RBFOX1: variants seen among roughly 807,000 people sequenced by gnomAD.
RBFOX1 encodes RNA binding protein fox-1 homolog 1.
Under a neutral mutation model 57.7 loss-of-function variants are expected in RBFOX1, and 8 were observed. That is an observed-to-expected ratio of 0.14 (90% confidence interval 0.08 to 0.25). The LOEUF (loss-of-function observed/expected upper bound fraction) is 0.25. RBFOX1 is among the 10% of genes least tolerant of loss of function. RBFOX1 has a pLI of 1.00. For synonymous variants in RBFOX1, 326 were observed against 222.4 expected (o/e 1.47, Z -4.15); for missense variants, 611 against 548.5 (o/e 1.11, Z -1.14).
intron 4 of RBFOX1, among the ~76,000 whole-genome samples, chr16:5,868,813 C>T (rs1237404420): frequency 6.6e-6 from 1 of 152,134 alleles, no homozygotes; most frequent in Non-Finnish European, 1.5e-5. Flanking sequence ...ATAGGAATAG[C>T]AATATGCATC....
At chr16:5,567,804 T>G (rs2046127229) in intron 2 of RBFOX1, among the ~76,000 whole-genome samples, 1 of 152,184 alleles carries the variant, frequency 6.6e-6, no homozygotes, top group Non-Finnish European at 1.5e-5. Flanking sequence ...GGGCCAGATA[T>G]CTTGCCAAGC....
chr16:7,039,078 G>C (rs761667669), intron 3 of RBFOX1, among the ~76,000 whole-genome samples: 18 of 152,074 alleles, frequency 1.2e-4, no homozygotes, highest in Non-Finnish European at 2.1e-4. Context: ...GTGTTGTCCT[G>C]CCTGGGAGAT....
At chr16:7,449,308 TG>T (rs2098832981) in intron 4 of RBFOX1, among the ~76,000 whole-genome samples, 1 of 152,122 alleles carries the variant, frequency 6.6e-6, no homozygotes, top group African/African-American at 2.4e-5. Flanking sequence ...AAGTCCTAGG[TG>T]GACATCTTTT....
At chr16:5,248,271 C>A (rs2878018) in intron 1 of RBFOX1, among the ~76,000 whole-genome samples, 3 of 152,252 alleles carry the variant, frequency 2.0e-5, no homozygotes, top group Admixed American at 6.5e-5. Flanking sequence ...TAAGTGTTTG[C>A]CTCAAAAGCT....
intron 3 of RBFOX1, among the ~76,000 whole-genome samples, chr16:5,744,201 ATCTG>A (rs1270481470): frequency 6.6e-6 from 1 of 151,958 alleles, no homozygotes; most frequent in Non-Finnish European, 1.5e-5. Context: ...CACCTCACTC[ATCTG>A]GCATGCTCCT....
intron 2 of RBFOX1, among the ~76,000 whole-genome samples, chr16:6,482,566 C>G (rs1466400890): frequency 6.6e-6 from 1 of 152,210 alleles, no homozygotes; most frequent in Non-Finnish European, 1.5e-5. Flanking sequence ...AAAAGGTGAT[C>G]TCTAAATTTC....
rs2085696053 is a variant in RBFOX1 at position 7,549,610 on chromosome 16, C to G, written c.271-30167C>G. Among the ~76,000 whole-genome samples, 2 of 152,228 alleles carry G rather than the reference C, an allele frequency of 1.3e-5. 1 individual carries two copies. The highest frequency in any genetic ancestry group is 4.2e-4 in the South Asian group (2 of 4,816). ...AACCTTCAGTCTGTGGTTGAAGGTCCAAGAGTCCAAAAGCTGAAGAACCTG... is the reference window on the plus strand; with the variant it reads ...AACCTTCAGTCTGTGGTTGAAGGTCGAAGAGTCCAAAAGCTGAAGAACCTG... On this transcript the variant is annotated intron_variant, in intron 5 of 15. Coordinates refer to ENST00000550418, the MANE Select transcript of RBFOX1 (RefSeq NM_018723.4).
intron 2 of RBFOX1, among the ~76,000 whole-genome samples, chr16:6,511,894 G>C (rs927735970): frequency 2.0e-5 from 3 of 152,100 alleles, no homozygotes; most frequent in East Asian, 1.9e-4. Flanking sequence ...GCAGCTCTTT[G>C]TAGGAGTGTC....
intron 13 of RBFOX1, among the ~76,000 whole-genome samples, chr16:7,667,935 A>G (rs112474347): frequency 6.6e-6 from 1 of 152,072 alleles, no homozygotes; most frequent in Admixed American, 6.5e-5. Context: ...CGGTCTCCCA[A>G]AGTGCTACGA....
chr16:6,580,333 TA>T (rs2097519178), intron 2 of RBFOX1, among the ~76,000 whole-genome samples: 1 of 152,214 alleles, frequency 6.6e-6, no homozygotes, highest in South Asian at 2.1e-4. Flanking sequence ...AGTTTGCTGA[TA>T]ACTATTTCCA....
chr16:7,113,057 G>A (rs2065133460), intron 4 of RBFOX1, among the ~76,000 whole-genome samples: 1 of 152,166 alleles, frequency 6.6e-6, no homozygotes, highest in African/African-American at 2.4e-5. Context: ...TTGCAACCTG[G>A]ACAGAATGGA....
intron 4 of RBFOX1, among the ~76,000 whole-genome samples, chr16:7,140,514 G>C (rs1281255052): frequency 6.6e-6 from 1 of 152,026 alleles, no homozygotes; most frequent in East Asian, 1.9e-4. Context: ...CTAGCATATA[G>C]TATGAGTTTA....
chr16:6,549,142 G>T (rs1233453919), intron 2 of RBFOX1, among the ~76,000 whole-genome samples: 2 of 34,316 alleles, frequency 5.8e-5, no homozygotes, highest in East Asian at 1.2e-3. Flanking sequence ...GGAGGAGGAG[G>T]AGGGAAGGAG....
In RBFOX1 at chr16:5,277,037, C is replaced by G. The variant is rs180941957; in HGVS notation, c.219+36932C>G. On this transcript the variant is annotated intron_variant, in intron 1 of 2. Coordinates refer to the RBFOX1 transcript ENST00000585867. ...ATTCACATTTGCAAAACTATAGAAC[C>G]AGCCCAAATGCCCATCAGTCAATTA... 1.3e-3 allele frequency among the ~76,000 whole-genome samples: 205 copies of G among 152,246 alleles called. 2 individuals carry two copies. Among genetic ancestry groups the G allele is most frequent in the African/African-American group, 4.4e-3 (182 of 41,544 alleles).
At chr16:7,204,277 C>T (rs1412120381) in intron 4 of RBFOX1, among the ~76,000 whole-genome samples, 1 of 152,206 alleles carries the variant, frequency 6.6e-6, no homozygotes, top group African/African-American at 2.4e-5. Context: ...CACTCAAGGC[C>T]ATTGTGTGTA....
In RBFOX1 at chr16:7,103,071, CA is replaced by C. The variant is rs397767938; in HGVS notation, c.27+50985del. On this transcript the variant is annotated intron_variant, in intron 4 of 15. Coordinates refer to ENST00000550418, the MANE Select transcript of RBFOX1 (RefSeq NM_018723.4). ...TAATTCCCTAATTCTATCTTTGCCTCAAAAAAAAAAAATGCAACACTCTGTT... is the reference window on the plus strand; with the variant it reads ...TAATTCCCTAATTCTATCTTTGCCTCAAAAAAAAAAATGCAACACTCTGTT... Among the ~76,000 whole-genome samples the C allele has an allele frequency of 4.7e-3, 689 of 146,934 alleles. 3 individuals carry two copies. The highest frequency in any genetic ancestry group is 0.013 in the African/African-American group (506 of 40,174).
rs550926020 is a variant in RBFOX1, at chr16:5,386,793, G to A, written c.220-80423G>A. On this transcript the variant is annotated intron_variant, in intron 1 of 2. Coordinates refer to the RBFOX1 transcript ENST00000585867. ...GGGCCAGGCGTGGTGGCTCACACCT[G>A]TAACCCCAGCACTTTGGAAGGCCAA... Among the ~76,000 whole-genome samples, 424 of 152,324 alleles carry A rather than the reference G, an allele frequency of 2.8e-3. 2 individuals carry two copies. The highest frequency in any genetic ancestry group is 0.01 in the African/African-American group (416 of 41,568).
At chr16:6,053,443 T>C (rs1046467072) in intron 1 of RBFOX1, among the ~76,000 whole-genome samples, 2 of 152,074 alleles carry the variant, frequency 1.3e-5, no homozygotes, top group African/African-American at 4.8e-5. Context: ...AAGGTAAGTA[T>C]AGAAGTAAGA....
chr16:6,113,445 T>C (rs1470666055), intron 1 of RBFOX1, among the ~76,000 whole-genome samples: 1 of 152,128 alleles, frequency 6.6e-6, no homozygotes, highest in Non-Finnish European at 1.5e-5. Context: ...TAAAAGGAAA[T>C]TTTTCTGGGT....
Sources: gnomAD v4.1 joint callset for allele counts (sites outside exome capture counted in the v4.1 genomes callset) on GRCh38, gnomAD v4.1.1 for gene constraint, MANE v1.5 for transcripts, NCBI Gene and HGNC (gene_info 2026-07-23, HGNC 2026-07-21) for gene names.